Variants in EZR observed in about 807,000 individuals in gnomAD.
EZR encodes cytovillin 2.
In EZR, 40 loss-of-function variants were observed where a neutral mutation model predicts 74.8. The ratio of observed to expected loss-of-function variants is 0.53; its 90% CI spans 0.42 to 0.70. EZR has a LOEUF of 0.70. EZR is among the 30% of genes least tolerant of loss of function. The probability of loss-of-function intolerance (pLI) is 0.00; values close to 1 mark genes in which losing one functional copy is unlikely to be tolerated. For synonymous variants in EZR, 341 were observed against 283.3 expected, an observed-to-expected ratio of 1.20 and a Z score of -2.05; for missense variants, 678 against 755.8, an observed-to-expected ratio of 0.90 and a Z score of 1.21.
intron 2 of EZR, among the ~76,000 whole-genome samples, chr6:158,802,498 A>G (rs2128574265): frequency 6.6e-6 from 1 of 152,300 alleles, no homozygotes; most frequent in African/African-American, 2.4e-5. Context: ...GTATACTTCT[A>G]CTTGACTATG....
chr6:158,803,563 A>T (rs1450715286), intron 2 of EZR, among the ~76,000 whole-genome samples: 1 of 3,624 alleles, frequency 2.8e-4, no homozygotes, highest in Non-Finnish European at 5.9e-4. Context: ...ATATATATAT[A>T]TATATATATA....
At chr6:158,786,059 AAAC>A (rs941644074) in intron 4 of EZR, among the ~76,000 whole-genome samples, 7 of 150,748 alleles carry the variant, frequency 4.6e-5, no homozygotes, top group African/African-American at 1.7e-4. Flanking sequence ...TCTTCTTAAA[AAAC>A]AACAACAAAC....
At position 158,787,209 on chromosome 6, in the gene EZR, T is replaced by TGAGA. The variant is rs150994217; in HGVS notation, c.97-10_97-7dup. ...AGGCCGATAGTCTTTACCACCTGCG[T>TGAGA]GAGAGAGAGAGAGGCTCAACACTCA... On this transcript the variant is annotated splice_polypyrimidine_tract_variant and splice_region_variant and intron_variant, in intron 3 of 13. Transcript: ENST00000367075. The TGAGA allele has an allele frequency of 3.1e-6, 5 of 1,606,878 alleles. No homozygotes were observed. Among genetic ancestry groups the TGAGA allele is most frequent in the Admixed American group, 3.3e-5 (2 of 59,788 alleles).
chr6:158,813,546 T>C (rs1777490858), intron 2 of EZR, among the ~76,000 whole-genome samples: 1 of 151,628 alleles, frequency 6.6e-6, no homozygotes, highest in African/African-American at 2.4e-5. Context: ...CTGCCCCTCG[T>C]GGAGGAGGAG....
intron 2 of EZR, among the ~76,000 whole-genome samples, chr6:158,805,337 GAAAAA>G (rs56269785): frequency 6.0e-5 from 7 of 116,912 alleles, no homozygotes; most frequent in Middle Eastern, 4.5e-3. Context: ...TCCATCTCAG[GAAAAA>G]AAAAAAAAAA....
intron 7 of EZR, among the ~76,000 whole-genome samples, chr6:158,782,490 G>A (rs981996676): frequency 2.6e-5 from 4 of 152,220 alleles, no homozygotes; most frequent in African/African-American, 7.2e-5. Flanking sequence ...AACAGCATGA[G>A]GCTGGGAAGG....
chr6:158,811,637 G>A (rs547267319), intron 2 of EZR, among the ~76,000 whole-genome samples: 1 of 152,304 alleles, frequency 6.6e-6, no homozygotes, highest in African/African-American at 2.4e-5. Context: ...AAGGTAGGAG[G>A]ATAGCTTGAG....
chr6:158,793,760 G>C (rs1461170093), intron 2 of EZR, among the ~76,000 whole-genome samples: 1 of 152,180 alleles, frequency 6.6e-6, no homozygotes, highest in Non-Finnish European at 1.5e-5. Context: ...AAAGGGAGGA[G>C]ATCCTCCCCA....
rs1791549320 is a variant in EZR, at chr6:158,785,386, C to A, written c.390G>T (p.Val130=). The A allele has an allele frequency of 1.9e-6, 3 of 1,614,234 alleles. No individual in the cohort carries two copies. The highest frequency in any genetic ancestry group is 2.5e-6 in the Non-Finnish European group (3 of 1,180,040). The change falls in exon 5 of 14, where the codon GTG becomes GTT. Residue 130 remains valine, a synonymous_variant. Coordinates refer to ENST00000367075, the MANE Select transcript of EZR (RefSeq NM_001111077.2). Reference sequence around the variant, plus strand: ...TGTTGTAGTCCCCAAACTTGGCCTGCACAGCGTAGGACCCCAAGAGCACGG... The same window carrying A: ...TGTTGTAGTCCCCAAACTTGGCCTGAACAGCGTAGGACCCCAAGAGCACGG... ...ETAVLLGSYA[V]QAKFGDYNKE...
chr6:158,770,827 C>T lies in EZR; in HGVS notation c.1027G>A (p.Glu343Lys), dbSNP rs1791083232. The T allele has an allele frequency of 2.5e-6, 4 of 1,614,244 alleles. No individual in the cohort carries two copies. Among genetic ancestry groups the T allele is most frequent in the South Asian group, 2.2e-5 (2 of 91,088 alleles). Residue 343 changes from glutamate to lysine, a missense_variant, in exon 10 of 14, where the codon GAG becomes AAG. By Grantham distance (56) the Glu-to-Lys change is moderately conservative (BLOSUM62 1). Coordinates refer to ENST00000367075, the MANE Select transcript of EZR (RefSeq NM_001111077.2). ...AGCCGCAGCATCAACTCCTCCTTCTCGCGCATCATCTGCTCTTTCTCTCTC... is the reference window on the plus strand; with the variant it reads ...AGCCGCAGCATCAACTCCTCCTTCTTGCGCATCATCTGCTCTTTCTCTCTC... Reference protein sequence around the residue: ...VEREKEQMMREKEELMLRLQD... With the variant: ...VEREKEQMMRKKEELMLRLQD...
chr6:158,817,871 C>T (rs960056415), intron 2 of EZR: 7 of 444,870 alleles, frequency 1.6e-5, no homozygotes, highest in Non-Finnish European at 2.0e-5. Context: ...AAAAAGACTG[C>T]AGAGAAAAGC....
chr6:158,798,790 G>A (rs1255760567), intron 2 of EZR, among the ~76,000 whole-genome samples: 10 of 151,864 alleles, frequency 6.6e-5, no homozygotes, highest in African/African-American at 1.5e-4. Flanking sequence ...CACCACAGCC[G>A]GCTAATTTTT....
At chr6:158,818,187 T>C in intron 1 of EZR, 21 bp from the exon 2 acceptor site, 1 of 1,386,930 alleles carries the variant, frequency 7.2e-7, no homozygotes, top group Non-Finnish European at 9.9e-7. Flanking sequence ...AGCAGAACCC[T>C]TAGAGCGCCC....
chr6:158,767,435 T>A lies in EZR; in HGVS notation c.1422A>T (p.Pro474=), dbSNP rs773034103. 1.9e-4 allele frequency: 261 copies of A among 1,375,586 alleles called. 1 individual carries two copies. The highest frequency in any genetic ancestry group is 2.6e-4 in the Admixed American group (13 of 50,486). The allele number at this position is 1,375,586 out of a possible 1,614,324, so 85.2% of individuals were successfully genotyped here. A position where few individuals can be genotyped will look rare whatever the true frequency, so the allele number is the denominator to read the frequency against. The change falls in exon 13 of 14, where the codon CCA becomes CCT. Residue 474 remains proline (P), a synonymous_variant. Coordinates refer to ENST00000367075, the MANE Select transcript of EZR (RefSeq NM_001111077.2). ...HLVMTAPPPP[P]PPVYEPVSYH... ...AGCTCACCGGCTCGTACACGGGGGG[T>A]GGTGGGGGCGGGGGTGCTGTCATCA...
At chr6:158,806,165 T>C (rs1404103319) in intron 2 of EZR, among the ~76,000 whole-genome samples, 1 of 152,190 alleles carries the variant, frequency 6.6e-6, no homozygotes, top group African/African-American at 2.4e-5. Context: ...GAGGGTGAGA[T>C]GGCCCGGGTG....
chr6:158,789,175 T>C (rs568510370), intron 3 of EZR, 113 bp downstream of exon 3: 4 of 717,872 alleles, frequency 5.6e-6, no homozygotes, highest in East Asian at 5.5e-5. Context: ...CCTTCTCATC[T>C]ATTACCTCAA....
chr6:158,782,463 G>A (rs546424795), intron 7 of EZR, among the ~76,000 whole-genome samples: 1 of 152,298 alleles, frequency 6.6e-6, no homozygotes, highest in South Asian at 2.1e-4. Context: ...GAAATGGGGA[G>A]AGCTGTCATT....
At chr6:158,798,630 T>G (rs1483361940) in intron 2 of EZR, among the ~76,000 whole-genome samples, 10 of 148,932 alleles carry the variant, frequency 6.7e-5, no homozygotes, top group African/African-American at 2.2e-4. Context: ...CGCTTTTTTT[T>G]TTTTTTTTTT....
At chr6:158,781,962 G>A (rs1212156996) in intron 7 of EZR, among the ~76,000 whole-genome samples, 1 of 151,848 alleles carries the variant, frequency 6.6e-6, no homozygotes, top group Non-Finnish European at 1.5e-5. Context: ...GTTTCGCCAT[G>A]TTCCCCAGGC....
Sources: gnomAD v4.1 joint callset for allele counts (sites outside exome capture counted in the v4.1 genomes callset) on GRCh38, gnomAD v4.1.1 for gene constraint, MANE v1.5 for transcripts, NCBI Gene and HGNC (gene_info 2026-07-23, HGNC 2026-07-21) for gene names.